The following RBFOX1 variants were observed in gnomAD, a reference collection of about 807,000 sequenced individuals.
RBFOX1 encodes the protein RNA binding fox-1 homolog 1.
A neutral mutation model predicts 57.7 loss-of-function variants in RBFOX1; 8 were observed. The observed-to-expected ratio is 0.14, with a 90% CI of 0.08 to 0.25. The LOEUF (loss-of-function observed/expected upper bound fraction) is 0.25, where lower values mean the gene tolerates loss of function less well. Among genes scored for constraint, RBFOX1 ranks in the 10% least tolerant of loss-of-function variants. The pLI is 1.00. For synonymous variants in RBFOX1, 326 were observed against 222.4 expected (o/e 1.47, Z -4.15); for missense variants, 611 against 548.5 (o/e 1.11, Z -1.14).
intron 3 of RBFOX1, among the ~76,000 whole-genome samples, chr16:6,779,955 T>G (rs373496727): frequency 6.3e-5 from 1 of 15,856 alleles, no homozygotes; most frequent in African/African-American, 4.6e-4. Flanking sequence ...ATTTATATAT[T>G]TATATATTTA....
intron 4 of RBFOX1, among the ~76,000 whole-genome samples, chr16:7,188,913 G>T: frequency 6.6e-6 from 1 of 152,164 alleles, no homozygotes; most frequent in East Asian, 1.9e-4. Flanking sequence ...AAGGATTGGG[G>T]AAAGTTCTTT....
At chr16:5,439,472 G>C (rs2068017775) in intron 1 of RBFOX1, among the ~76,000 whole-genome samples, 2 of 152,110 alleles carry the variant, frequency 1.3e-5, no homozygotes, top group South Asian at 4.2e-4. Flanking sequence ...TGGGAAATGA[G>C]AGAGGTTTGG....
intron 3 of RBFOX1, among the ~76,000 whole-genome samples, chr16:5,863,576 C>G (rs1213066271): frequency 6.6e-6 from 1 of 152,206 alleles, no homozygotes; most frequent in Non-Finnish European, 1.5e-5. Context: ...TGAATACTAC[C>G]TGCCTTAGAA....
intron 1 of RBFOX1, among the ~76,000 whole-genome samples, chr16:6,211,647 A>G (rs1465676976): frequency 1.3e-5 from 2 of 152,130 alleles, no homozygotes; most frequent in Non-Finnish European, 2.9e-5. Context: ...GCAAGCTGAG[A>G]GAAGTACCTC....
chr16:7,027,030 C>T (rs1347423787), intron 3 of RBFOX1, among the ~76,000 whole-genome samples: 2 of 152,140 alleles, frequency 1.3e-5, no homozygotes, highest in African/African-American at 4.8e-5. Flanking sequence ...CCACACACTC[C>T]TCCATTCTCC....
intron 1 of RBFOX1, among the ~76,000 whole-genome samples, chr16:6,194,748 T>G (rs1486680180): frequency 2.0e-5 from 3 of 152,222 alleles, no homozygotes; most frequent in Non-Finnish European, 4.4e-5. Context: ...TCTATCTTGA[T>G]GCATAATTGT....
chr16:5,612,209 ACT>A (rs967367791), intron 3 of RBFOX1, among the ~76,000 whole-genome samples: 4 of 57,792 alleles, frequency 6.9e-5, no homozygotes, highest in Non-Finnish European at 1.4e-4. Flanking sequence ...TCTCCCCTCC[ACT>A]CTCATTCATT....
intron 4 of RBFOX1, among the ~76,000 whole-genome samples, chr16:7,318,946 G>A (rs1336886833): frequency 6.6e-6 from 1 of 152,158 alleles, no homozygotes; most frequent in East Asian, 1.9e-4. Flanking sequence ...ATGATAAATA[G>A]CGCCTGCAAA....
intron 1 of RBFOX1, among the ~76,000 whole-genome samples, chr16:6,267,882 G>C (rs961797419): frequency 6.6e-6 from 1 of 152,070 alleles, no homozygotes; most frequent in Non-Finnish European, 1.5e-5. Flanking sequence ...GCTTTAAATG[G>C]GCTATTACCT....
intron 1 of RBFOX1, among the ~76,000 whole-genome samples, chr16:6,076,465 T>C (rs2095902969): frequency 6.6e-6 from 1 of 152,108 alleles, no homozygotes; most frequent in Non-Finnish European, 1.5e-5. Flanking sequence ...TGCATCAGCC[T>C]TGCCTGTTTT....
At chr16:6,271,888 C>T (rs2075258811) in intron 1 of RBFOX1, among the ~76,000 whole-genome samples, 1 of 151,934 alleles carries the variant, frequency 6.6e-6, no homozygotes, top group Non-Finnish European at 1.5e-5. Context: ...GCATTAACAC[C>T]AAGTCCATAT....
At chr16:6,114,443 C>T (rs1374927666) in intron 1 of RBFOX1, among the ~76,000 whole-genome samples, 3 of 152,180 alleles carry the variant, frequency 2.0e-5, no homozygotes, top group African/African-American at 7.2e-5. Context: ...GTGTACGTAG[C>T]TTTTTGGATC....
At chr16:5,761,348 C>T (rs1171783041) in intron 3 of RBFOX1, among the ~76,000 whole-genome samples, 1 of 152,152 alleles carries the variant, frequency 6.6e-6, no homozygotes, top group African/African-American at 2.4e-5. Flanking sequence ...TAGATCTGGC[C>T]TTGCTGTTTG....
At chr16:7,320,977 T>C (rs527784689) in intron 4 of RBFOX1, among the ~76,000 whole-genome samples, 39 of 152,290 alleles carry the variant, frequency 2.6e-4, no homozygotes, top group African/African-American at 9.4e-4. Context: ...ATAGCTGAGT[T>C]CCTGATCAAT....
chr16:5,421,628 A>C (rs985798103), intron 1 of RBFOX1, among the ~76,000 whole-genome samples: 7 of 152,170 alleles, frequency 4.6e-5, no homozygotes, highest in Non-Finnish European at 8.8e-5. Context: ...CCCCGGGAGG[A>C]CCTGGGAACA....
chr16:7,246,723 T>A (rs1474993520), intron 4 of RBFOX1, among the ~76,000 whole-genome samples: 1 of 151,582 alleles, frequency 6.6e-6, no homozygotes, highest in East Asian at 1.9e-4. Flanking sequence ...GGAGTTTTGT[T>A]GTGCTGACTG....
chr16:6,326,329 T>C (rs781781845), intron 2 of RBFOX1, among the ~76,000 whole-genome samples: 6 of 152,166 alleles, frequency 3.9e-5, no homozygotes, highest in East Asian at 1.9e-4. Flanking sequence ...CATGATAACA[T>C]TGGAAGATAA....
At chr16:6,753,885 T>C (rs934232447) in intron 3 of RBFOX1, among the ~76,000 whole-genome samples, 2 of 152,152 alleles carry the variant, frequency 1.3e-5, no homozygotes, top group African/African-American at 4.8e-5. Flanking sequence ...CTCGGTCATT[T>C]GTCATAAAAT....
At chr16:6,981,950 C>A (rs375933502) in intron 3 of RBFOX1, among the ~76,000 whole-genome samples, 3 of 152,108 alleles carry the variant, frequency 2.0e-5, no homozygotes, top group South Asian at 4.1e-4. Context: ...TACAATAGAA[C>A]TTTTTATTGG....
Sources: gnomAD v4.1 joint callset for allele counts (sites outside exome capture counted in the v4.1 genomes callset) on GRCh38, gnomAD v4.1.1 for gene constraint, MANE v1.5 for transcripts, NCBI Gene and HGNC (gene_info 2026-07-23, HGNC 2026-07-21) for gene names.